The following DENND5B variants were observed in gnomAD, a reference collection of about 807,000 sequenced individuals.
DENND5B encodes DENN domain containing 5B, also known as DENN domain-containing protein 5B.
Under a neutral mutation model 140.6 loss-of-function variants are expected in DENND5B, and 34 were observed. The observed-to-expected ratio is 0.24, with a 90% confidence interval of 0.18 to 0.32. The LOEUF is 0.32. Among genes scored for constraint, DENND5B ranks in the 10% least tolerant of loss-of-function variants. The probability of loss-of-function intolerance (pLI) is 1.00; values close to 1 mark genes in which losing one functional copy is unlikely to be tolerated. For missense variants in DENND5B, 1,142 were observed against 1,560.2 expected (o/e 0.73, Z 4.52); for synonymous variants, 551 against 562.1 (o/e 0.98, Z 0.28).
At chr12:31,576,524 A>G (rs993331470) in intron 1 of DENND5B, among the ~76,000 whole-genome samples, 3 of 151,896 alleles carry the variant, frequency 2.0e-5, no homozygotes, top group Admixed American at 1.3e-4. Context: ...GAAAAAAGAA[A>G]AAAAGAAATT....
intron 9 of DENND5B, 93 bp from the exon 10 acceptor site, chr12:31,424,780 A>C: frequency 6.7e-7 from 1 of 1,485,332 alleles, no homozygotes; most frequent in African/African-American, 1.4e-5. Context: ...GTTTCCCTTC[A>C]TTATACTTCT....
chr12:31,413,829 T>C (rs950940302), intron 12 of DENND5B, among the ~76,000 whole-genome samples: 2 of 152,252 alleles, frequency 1.3e-5, no homozygotes, highest in African/African-American at 4.8e-5. Flanking sequence ...TCAGGCTTTA[T>C]TATGTCCTTG....
intron 5 of DENND5B, among the ~76,000 whole-genome samples, chr12:31,451,163 A>G (rs1047850188): frequency 6.6e-6 from 1 of 152,210 alleles, no homozygotes; most frequent in Non-Finnish European, 1.5e-5. Context: ...AGACTAAATA[A>G]ATGATTTCTA....
At chr12:31,465,020 A>C (rs1945193686) in intron 3 of DENND5B, 1 of 152,238 alleles carries the variant, frequency 6.6e-6, no homozygotes, top group South Asian at 2.1e-4. Flanking sequence ...GCTTGACTAT[A>C]TTATACAATA....
Position 31,413,970 on chromosome 12 carries a change from A to C in DENND5B, c.2553-406T>G, listed in dbSNP as rs570147638. ...TCTATAGCATAATTAAATATCAGTC[A>C]CAACTTTAATCCACTGAATTACTTT... On this transcript the variant is annotated intron_variant, in intron 12 of 20. Transcript: ENST00000389082. 2.0e-5 allele frequency among the ~76,000 whole-genome samples: 3 copies of C among 152,352 alleles called. No homozygotes were observed. In the South Asian group the frequency reaches 6.2e-4, roughly 32 times the overall value.
At chr12:31,526,681 T>C (rs1279595979) in intron 1 of DENND5B, among the ~76,000 whole-genome samples, 1 of 152,182 alleles carries the variant, frequency 6.6e-6, no homozygotes, top group Admixed American at 6.5e-5. Context: ...AGGGTATTAG[T>C]GGAAAAATTC....
intron 1 of DENND5B, among the ~76,000 whole-genome samples, chr12:31,529,162 C>CAAAAAA (rs57966147): frequency 8.8e-6 from 1 of 113,226 alleles, no homozygotes; most frequent in African/African-American, 3.3e-5. Context: ...AACTCTGTCT[C>CAAAAAA]AAAAAAAAAA....
At chr12:31,449,763 G>A (rs1414736990) in intron 5 of DENND5B, among the ~76,000 whole-genome samples, 1 of 115,632 alleles carries the variant, frequency 8.6e-6, no homozygotes, top group South Asian at 2.9e-4. Flanking sequence ...ACAGAGTCTC[G>A]CTGTCGCCCA....
chr12:31,450,286 A>T (rs762162618), intron 5 of DENND5B, among the ~76,000 whole-genome samples: 1 of 152,234 alleles, frequency 6.6e-6, no homozygotes, highest in Non-Finnish European at 1.5e-5. Context: ...GGGAAAAACA[A>T]AGAACACCAG....
chr12:31,566,104 C>T (rs1180940142), intron 1 of DENND5B, among the ~76,000 whole-genome samples: 1 of 152,116 alleles, frequency 6.6e-6, no homozygotes, highest in Admixed American at 6.5e-5. Context: ...GAGATCACAC[C>T]ACTACAGTGA....
chr12:31,469,782 T>C (rs746818810), intron 3 of DENND5B, among the ~76,000 whole-genome samples: 2 of 152,102 alleles, frequency 1.3e-5, no homozygotes, highest in African/African-American at 2.4e-5. Context: ...TTACTTTCCA[T>C]GAAAATTGGT....
intron 20 of DENND5B, 90 bp downstream of exon 20, chr12:31,389,234 C>A: frequency 8.3e-7 from 1 of 1,207,714 alleles, no homozygotes; most frequent in South Asian, 1.8e-5. Context: ...CAAAGGAGAG[C>A]TCTGGAAGGG....
At chr12:31,456,329 CA>C (rs56369582) in intron 4 of DENND5B, among the ~76,000 whole-genome samples, 12,759 of 121,332 alleles carry the variant, frequency 0.11, 1,072 homozygotes, top group African/African-American at 0.3. Flanking sequence ...GACTCCGTCT[CA>C]AAAAAAAAAA....
intron 1 of DENND5B, among the ~76,000 whole-genome samples, chr12:31,509,107 C>A (rs1947312824): frequency 6.6e-6 from 1 of 152,072 alleles, no homozygotes; most frequent in Non-Finnish European, 1.5e-5. Context: ...ATCAGAAAAA[C>A]ATAAAAAGAA....
At chr12:31,523,912 A>T (rs1947993151) in intron 1 of DENND5B, among the ~76,000 whole-genome samples, 1 of 151,922 alleles carries the variant, frequency 6.6e-6, no homozygotes, top group Non-Finnish European at 1.5e-5. Flanking sequence ...GATGTGATTA[A>T]GCTTATTTTG....
chr12:31,406,717 T>C lies in DENND5B; in HGVS notation c.2803+2546A>G, dbSNP rs189262751. Among the ~76,000 whole-genome samples, 4 of 152,286 alleles carry C rather than the reference T, an allele frequency of 2.6e-5. No homozygotes were observed. The East Asian group carries it at 7.7e-4, about 29-fold the overall frequency. On this transcript the variant is annotated intron_variant, in intron 14 of 20. Transcript: ENST00000389082. ...TGATTAAATTTAAAAATTTCTTTCA[T>C]GAAGAATTCCTCAAATTGAAAGAGT...
intron 1 of DENND5B, among the ~76,000 whole-genome samples, chr12:31,580,315 G>A (rs1236169955): frequency 6.6e-6 from 1 of 152,016 alleles, no homozygotes; most frequent in Non-Finnish European, 1.5e-5. Flanking sequence ...TATCTTATTT[G>A]AAGAGGAAAG....
intron 12 of DENND5B, among the ~76,000 whole-genome samples, chr12:31,414,965 A>G (rs1942652018): frequency 6.6e-6 from 1 of 151,430 alleles, no homozygotes; most frequent in Non-Finnish European, 1.5e-5. Context: ...AATCAAAAAA[A>G]TTAGCTGGGT....
chr12:31,536,370 G>T (rs1310171133), intron 1 of DENND5B, among the ~76,000 whole-genome samples: 1 of 152,086 alleles, frequency 6.6e-6, no homozygotes. Context: ...TTAACAAAGA[G>T]ATTTAAATAA....
Sources: allele counts gnomAD v4.1 joint callset (sites outside exome capture counted in the v4.1 genomes callset), GRCh38; gene constraint gnomAD v4.1.1; transcripts MANE v1.5; gene names NCBI Gene and HGNC (gene_info 2026-07-23, HGNC 2026-07-21).